FAM47E: variants seen among roughly 807,000 people sequenced by gnomAD.
The protein encoded by FAM47E is protein FAM47E.
Under a neutral mutation model 41.6 loss-of-function variants are expected in FAM47E, and 32 were observed. The ratio of observed to expected loss-of-function variants is 0.77; its 90% CI spans 0.58 to 1.03. The LOEUF (loss-of-function observed/expected upper bound fraction) is 1.03. FAM47E is among the 50% of genes least tolerant of loss of function. The pLI is 0.00. For synonymous variants in FAM47E, 184 were observed against 188.7 expected, an observed-to-expected ratio of 0.98 and a Z score of 0.20; for missense variants, 424 against 485.4, an observed-to-expected ratio of 0.87 and a Z score of 1.19.
intron 2 of FAM47E, 97 bp from the exon 3 acceptor site, chr4:76,263,607 G>A: frequency 6.9e-7 from 1 of 1,450,870 alleles, no homozygotes; most frequent in Non-Finnish European, 9.2e-7. Flanking sequence ...GACTGAAAAG[G>A]AAAAGTGAAG....
In FAM47E at chr4:76,230,729, G is replaced by T. The variant is rs562446975; in HGVS notation, c.81+13041G>T. On this transcript the variant is annotated intron_variant, in intron 2 of 7. Coordinates refer to the FAM47E transcript ENST00000510197. ...GCGACCTTGGCAGTCACCACCATAG[G>T]TGTTAAAATGACTTACACTCATGAA... Among the ~76,000 whole-genome samples, 37 of 152,188 alleles carry T rather than the reference G, an allele frequency of 2.4e-4. No individual in the cohort carries two copies. In the South Asian group the frequency reaches 7.3e-3, roughly 30 times the overall value.
intron 2 of FAM47E, among the ~76,000 whole-genome samples, chr4:76,260,274 G>T (rs1371327053): frequency 1.3e-5 from 2 of 152,070 alleles, no homozygotes; most frequent in Non-Finnish European, 2.9e-5. Flanking sequence ...TAAGCAAAAA[G>T]AACAAAGCTG....
chr4:76,272,726 A>G (rs1013201500), intron 5 of FAM47E, among the ~76,000 whole-genome samples: 1 of 152,164 alleles, frequency 6.6e-6, no homozygotes, highest in African/African-American at 2.4e-5. Context: ...GGCCTGAACC[A>G]CTGCTTGTCC....
At chr4:76,268,889 A>G in intron 4 of FAM47E, 121 bp downstream of exon 4, 3 of 1,260,770 alleles carry the variant, frequency 2.4e-6, no homozygotes, top group Non-Finnish European at 3.2e-6. Context: ...ACAGTATTGG[A>G]TAAAATCTAA....
At chr4:76,226,533 T>C (rs943723496) in intron 2 of FAM47E, among the ~76,000 whole-genome samples, 2 of 152,092 alleles carry the variant, frequency 1.3e-5, no homozygotes, top group African/African-American at 4.8e-5. Context: ...TGGATTTAGA[T>C]TGTAGTGCTG....
At chr4:76,249,615 T>G (rs190017362), upstream of FAM47E, among the ~76,000 whole-genome samples, 1 of 152,134 alleles carries the variant, frequency 6.6e-6, no homozygotes, top group African/African-American at 2.4e-5. Flanking sequence ...CCAGTGGCAA[T>G]TTCTGAGATT....
chr4:76,237,838 T>C (rs1384160921), intron 2 of FAM47E, among the ~76,000 whole-genome samples: 2 of 152,126 alleles, frequency 1.3e-5, no homozygotes, highest in Non-Finnish European at 2.9e-5. Flanking sequence ...ACTCACTCAC[T>C]ATAACAAGAA....
In FAM47E at chr4:76,283,537, CAG is replaced by C; in HGVS notation, c.*82_*83del. 1.1e-6 allele frequency: 1 copy of C among 907,090 alleles called. No homozygotes were observed. The highest frequency in any genetic ancestry group is 1.7e-6 in the Non-Finnish European group (1 of 574,020). 56.2% of individuals were successfully genotyped at this position (907,090 alleles called of 1,614,324 possible). A position where few individuals can be genotyped will look rare whatever the true frequency, so the allele number is the denominator to read the frequency against. On this transcript the variant is annotated 3_prime_UTR_variant, in exon 8 of 8. Transcript: ENST00000424749. ...TCTCTGTCTCCTTTTAAAGATTAAA[CAG>C]AGTTTATGATGAGTGTCCCACTGTG...
chr4:76,251,572 G>C (rs534402611), upstream of FAM47E: 13 of 1,267,542 alleles, frequency 1.0e-5, no homozygotes, highest in Admixed American at 4.9e-4. Context: ...CCCTCGGCCA[G>C]GTCCACGTCC....
chr4:76,253,773 C>T (rs563794548), intron 1 of FAM47E, among the ~76,000 whole-genome samples: 2 of 150,794 alleles, frequency 1.3e-5, no homozygotes, highest in African/African-American at 4.9e-5. Flanking sequence ...CATTGCACTC[C>T]AGCCTGGGTA....
chr4:76,277,379 G>T (rs895173952), intron 5 of FAM47E, among the ~76,000 whole-genome samples: 1 of 152,054 alleles, frequency 6.6e-6, no homozygotes, highest in African/African-American at 2.4e-5. Context: ...CCAGCTACTT[G>T]GGAGGCTGAG....
chr4:76,229,570 C>T (rs1948997), intron 2 of FAM47E, among the ~76,000 whole-genome samples: 31,769 of 152,146 alleles, frequency 0.21, 3,526 homozygotes, highest in East Asian at 0.36. Context: ...TCCCTAGGGA[C>T]GTGGCTTTCT....
At chr4:76,260,640 C>T (rs1476046816) in intron 2 of FAM47E, among the ~76,000 whole-genome samples, 1 of 152,000 alleles carries the variant, frequency 6.6e-6, no homozygotes, top group Non-Finnish European at 1.5e-5. Flanking sequence ...AAAACTCTTC[C>T]AGACATTGGC....
rs778250265 is a variant in FAM47E, at chr4:76,263,752, G to T, written c.469G>T (p.Asp157Tyr). 2.0e-5 allele frequency: 31 copies of T among 1,551,578 alleles called. No individual in the cohort carries two copies. Among genetic ancestry groups the T allele is most frequent in the African/African-American group, 4.1e-5 (3 of 73,004 alleles). Residue 157 changes from aspartate to tyrosine, a missense_variant, in exon 3 of 8, where the codon GAC becomes TAC. Transcript: ENST00000424749. Reference sequence around the variant, plus strand: ...GCTTGATCCTGACCGGAAGCTGGAGGACACATGGGCTTATTGTCAGGACAC... The same window carrying T: ...GCTTGATCCTGACCGGAAGCTGGAGTACACATGGGCTTATTGTCAGGACAC... ...EVLDPDRKLE[D>Y]TWAYCQDTRK... is the part of the protein sequence containing the mutation.
intron 2 of FAM47E, among the ~76,000 whole-genome samples, chr4:76,235,070 C>A (rs77285187): frequency 0.011 from 1,659 of 152,290 alleles, 37 homozygotes; most frequent in African/African-American, 0.038. Flanking sequence ...GTAATCCCAG[C>A]ACTCTGGGAG....
rs1734642228 is a variant in FAM47E, at chr4:76,266,506, T to C, written c.561-2154T>C. The stretch of plus-strand genomic sequence containing the variant: ...TTTGAAATGTATCCAGAATCTCACC[T>C]TCTCCACTACTACCAGTCTATTCCA... On this transcript the variant is annotated intron_variant, in intron 3 of 7. Coordinates refer to ENST00000424749, the MANE Select transcript of FAM47E (RefSeq NM_001136570.3). Among the ~76,000 whole-genome samples, 3 of 152,218 alleles carry C rather than the reference T, an allele frequency of 2.0e-5. No homozygotes were observed. The South Asian group carries it at 6.2e-4, about 32-fold the overall frequency.
intron 5 of FAM47E, among the ~76,000 whole-genome samples, chr4:76,272,974 G>A (rs1288015999): frequency 6.6e-6 from 1 of 152,152 alleles, no homozygotes; most frequent in East Asian, 1.9e-4. Flanking sequence ...TTCAGCTTTT[G>A]TATGTCTGAA....
At chr4:76,246,208 G>C (rs999587211) in intron 2 of FAM47E, among the ~76,000 whole-genome samples, 32 of 152,168 alleles carry the variant, frequency 2.1e-4, no homozygotes, top group African/African-American at 6.3e-4. Context: ...GCAATTCTGA[G>C]TGACTGCTGT....
chr4:76,251,709 G>T (rs1055878224), upstream of FAM47E: 2 of 1,456,772 alleles, frequency 1.4e-6, no homozygotes, highest in South Asian at 1.3e-5. Context: ...CACACACACC[G>T]CCCAAGCCCG....
Sources: allele counts gnomAD v4.1 joint callset (sites outside exome capture counted in the v4.1 genomes callset), GRCh38; gene constraint gnomAD v4.1.1; transcripts MANE v1.5; gene names NCBI Gene and HGNC (gene_info 2026-07-23, HGNC 2026-07-21).